PITPNM2: variants seen among roughly 807,000 people sequenced by gnomAD.
PITPNM2 encodes the protein phosphatidylinositol transfer protein membrane associated 2.
PITPNM2 carries 35 observed loss-of-function variants against 132.2 expected under a neutral mutation model. The ratio of observed to expected loss-of-function variants is 0.26; its 90% confidence interval spans 0.20 to 0.35. The LOEUF (loss-of-function observed/expected upper bound fraction) is 0.35. Among genes scored for constraint, PITPNM2 ranks in the 10% least tolerant of loss-of-function variants. The pLI, the probability that PITPNM2 is intolerant of heterozygous loss-of-function variation, is 1.00. For synonymous variants in PITPNM2, 738 were observed against 799.2 expected (o/e 0.92, Z 1.29); for missense variants, 1,332 against 1,912.0 (o/e 0.70, Z 5.66).
Position 123,004,301 on chromosome 12 carries a change from C to G in PITPNM2, c.1048+93G>C. ...ATATAGAATAGTAACAGGCAACACC[C>G]GCATCAGTCCACACCCACACCCTAA... On this transcript the variant is annotated intron_variant, in intron 8 of 25. Coordinates refer to ENST00000320201, the MANE Select transcript of PITPNM2 (RefSeq NM_020845.3). This position sits in a 1 kb window ranked among gnomAD's most constrained non-coding sequence, Gnocchi z 4.9. The G allele has an allele frequency of 8.5e-7, 1 of 1,170,036 alleles. No individual in the cohort carries two copies. The allele number at this position is 1,170,036 out of a possible 1,614,324, so 72.5% of individuals were successfully genotyped here.
chr12:123,004,597 A>G lies in PITPNM2; in HGVS notation c.953-108T>C. The G allele has an allele frequency of 9.9e-7, 1 of 1,006,622 alleles. No homozygotes were observed. The highest frequency in any genetic ancestry group is 1.5e-6 in the Non-Finnish European group (1 of 645,232). 62.4% of individuals were successfully genotyped at this position (1,006,622 alleles called of 1,614,324 possible). A position where few individuals can be genotyped will look rare whatever the true frequency, so the allele number is the denominator to read the frequency against. On this transcript the variant is annotated intron_variant, in intron 7 of 25. Transcript: ENST00000320201. The surrounding 1 kb of genome is among the most constrained non-coding windows in gnomAD (Gnocchi z 4.9). ...GCCACCCACAGGCCTGACAGGCATC[A>G]CAGAGGCTGCCACAGGAGCCAGGAA...
intron 1 of PITPNM2, among the ~76,000 whole-genome samples, chr12:123,136,483 CA>C (rs2043385432): frequency 6.6e-6 from 1 of 152,116 alleles, no homozygotes; most frequent in South Asian, 2.1e-4. Flanking sequence ...TAATCTAGAA[CA>C]CAGCTCACAA....
intron 2 of PITPNM2, chr12:123,088,346 C>T (rs894806068): frequency 2.0e-5 from 3 of 152,174 alleles, no homozygotes; most frequent in Non-Finnish European, 4.4e-5. Flanking sequence ...TCTCTTCCCT[C>T]CCCTTGCTTA....
rs1593010729 is a variant in PITPNM2, at chr12:123,095,697, C to T, written c.-96+14688G>A. 6.6e-6 allele frequency among the ~76,000 whole-genome samples: 1 copy of T among 152,324 alleles called. No individual in the cohort carries two copies. The highest frequency in any genetic ancestry group is 6.5e-5 in the Admixed American group (1 of 15,306). On this transcript the variant is annotated intron_variant, in intron 2 of 25. Transcript: ENST00000320201. The surrounding 1 kb of genome is among the most constrained non-coding windows in gnomAD (Gnocchi z 5.0). The stretch of plus-strand genomic sequence containing the variant: ...GTCCTCCCTGCAGCTCAGCCCCAGC[C>T]AGACTCTCACAGACAGGAGCCCATG...
At position 123,000,527 on chromosome 12, in the gene PITPNM2, A is replaced by G. The variant is rs934041611; in HGVS notation, c.1224+251T>C. On this transcript the variant is annotated intron_variant, in intron 10 of 25. Coordinates refer to ENST00000320201, the MANE Select transcript of PITPNM2 (RefSeq NM_020845.3). This position sits in a 1 kb window ranked among gnomAD's most constrained non-coding sequence, Gnocchi z 5.4. ...TTACTTTCCCATGGGTGGAGCTTGG[A>G]TAAGGCTTTCTCAGGGGTTGTCTGT... 8.6e-6 allele frequency: 6 copies of G among 696,868 alleles called. No individual in the cohort carries two copies. In the African/African-American group the frequency reaches 8.8e-5, roughly 10 times the overall value. 43.2% of individuals were successfully genotyped at this position (696,868 alleles called of 1,614,324 possible).
chr12:123,026,224 G>C (rs2039858056), intron 3 of PITPNM2, among the ~76,000 whole-genome samples: 1 of 152,198 alleles, frequency 6.6e-6, no homozygotes, highest in Non-Finnish European at 1.5e-5. Context: ...CTGGCGTAAT[G>C]GGTGGAATGT....
intron 3 of PITPNM2, among the ~76,000 whole-genome samples, chr12:123,021,266 T>C (rs905065918): frequency 6.6e-6 from 1 of 152,168 alleles, no homozygotes; most frequent in African/African-American, 2.4e-5. Context: ...GGGAGCCACA[T>C]CTTTACCATG....
chr12:123,052,972 C>T (rs922097874), intron 2 of PITPNM2, among the ~76,000 whole-genome samples: 8 of 152,046 alleles, frequency 5.3e-5, no homozygotes, highest in African/African-American at 1.9e-4. Flanking sequence ...CCTCAACCTC[C>T]TGAATTCAAG....
At chr12:123,072,685 A>C (rs1162625381) in intron 2 of PITPNM2, among the ~76,000 whole-genome samples, 1 of 152,214 alleles carries the variant, frequency 6.6e-6, no homozygotes, top group African/African-American at 2.4e-5. Context: ...CAGCTGCTCA[A>C]GGTTTTGAGG....
chr12:123,053,483 G>A (rs1029613186), intron 2 of PITPNM2, among the ~76,000 whole-genome samples: 3 of 148,582 alleles, frequency 2.0e-5, no homozygotes, highest in African/African-American at 7.4e-5. Context: ...ATTGATAATT[G>A]TAAATTCACA....
In PITPNM2 at chr12:123,000,838, G is replaced by GGT; in HGVS notation, c.1163_1164insAC (p.Tyr388Ter). 2 of 1,613,940 alleles carry GGT rather than the reference G, an allele frequency of 1.2e-6. No homozygotes were observed. Among genetic ancestry groups the GGT allele is most frequent in the East Asian group, 4.5e-5 (2 of 44,892 alleles). Reference protein sequence around the residue: ...PEPEDTQDGLYRQGAPEFRVA... With the variant: ...PEPEDTQDGL ...CCCTGAACTCAGGGGCACCCTGGCG[G>GGT]TACAGACCATCTGCAAAGACACAGA... Residue 388 changes from tyrosine to a stop codon, truncating the protein, a stop_gained and frameshift_variant, in exon 10 of 26, where the codon TAC becomes TAACC. Coordinates refer to ENST00000320201, the MANE Select transcript of PITPNM2 (RefSeq NM_020845.3). LOFTEE classifies it high-confidence loss of function. This position sits in a 1 kb window ranked among gnomAD's most constrained non-coding sequence, Gnocchi z 5.4.
At chr12:123,094,070 G>C (rs955127145) in intron 2 of PITPNM2, among the ~76,000 whole-genome samples, 1 of 152,222 alleles carries the variant, frequency 6.6e-6, no homozygotes, top group African/African-American at 2.4e-5. Context: ...GCCTGGTTAG[G>C]GGCCACATGG....
intron 1 of PITPNM2, among the ~76,000 whole-genome samples, chr12:123,113,462 A>G (rs921512397): frequency 6.6e-6 from 1 of 152,208 alleles, no homozygotes; most frequent in African/African-American, 2.4e-5. Context: ...GCACTTAGAG[A>G]GACCAAGGCA....
intron 3 of PITPNM2, among the ~76,000 whole-genome samples, chr12:123,030,854 CCAA>C (rs931821230): frequency 1.3e-5 from 2 of 152,002 alleles, no homozygotes; most frequent in Non-Finnish European, 2.9e-5. Context: ...TGGATGAATC[CCAA>C]CAACATGACA....
intron 13 of PITPNM2, 56 bp from the exon 14 acceptor site, chr12:122,995,716 C>G: frequency 6.6e-7 from 1 of 1,508,668 alleles, no homozygotes; most frequent in Non-Finnish European, 8.8e-7. Context: ...GACCCCTTCT[C>G]CAGTGTCCTG....
intron 2 of PITPNM2, among the ~76,000 whole-genome samples, chr12:123,101,153 C>G (rs529092694): frequency 3.3e-4 from 51 of 152,362 alleles, no homozygotes; most frequent in Admixed American, 9.8e-4. Flanking sequence ...TATTTGTTTT[C>G]TTTCCTTTGG....
intron 2 of PITPNM2, among the ~76,000 whole-genome samples, chr12:123,042,386 G>A (rs999718593): frequency 6.6e-6 from 1 of 152,204 alleles, no homozygotes; most frequent in East Asian, 1.9e-4. Context: ...CTGACTGGGA[G>A]GGGAAGCACG....
rs1010043786 is a variant in PITPNM2 at position 123,150,418 on chromosome 12, C to A, written c.-200+335G>T. On this transcript the variant is annotated intron_variant, in intron 1 of 25. Transcript: ENST00000320201. This position sits in a 1 kb window ranked among gnomAD's most constrained non-coding sequence, Gnocchi z 6.0. Reference sequence around the variant, plus strand: ...GGCACCGGCACTGCCCACGCCTGCCCCCCGACCGCTATGACACTTGTCCCT... The same window carrying A: ...GGCACCGGCACTGCCCACGCCTGCCACCCGACCGCTATGACACTTGTCCCT... Among the ~76,000 whole-genome samples, 1 of 152,120 alleles carries A rather than the reference C, an allele frequency of 6.6e-6. No homozygotes were observed. Among genetic ancestry groups the A allele is most frequent in the Non-Finnish European group, 1.5e-5 (1 of 68,020 alleles).
Position 123,004,641 on chromosome 12 carries a change from G to T in PITPNM2, c.953-152C>A. ...CCAGGAAGGTTCCGAAGAGAATGAA[G>T]TGTGTAAATGAGTGGGGAGCGGCCT... On this transcript the variant is annotated intron_variant, in intron 7 of 25. Transcript: ENST00000320201. The surrounding 1 kb of genome is among the most constrained non-coding windows in gnomAD (Gnocchi z 4.9). The T allele has an allele frequency of 1.4e-6, 1 of 697,010 alleles. No individual in the cohort carries two copies. The allele number at this position is 697,010 out of a possible 1,614,324, so 43.2% of individuals were successfully genotyped here.
Sources: gnomAD v4.1 joint callset for allele counts (sites outside exome capture counted in the v4.1 genomes callset) on GRCh38, gnomAD v4.1.1 for gene constraint, Gnocchi (gnomAD v3.1) non-coding constraint, MANE v1.5 for transcripts, NCBI Gene and HGNC (gene_info 2026-07-23, HGNC 2026-07-21) for gene names.